Variants in PDGFD observed in about 807,000 individuals in gnomAD.
PDGFD encodes the protein platelet derived growth factor D.
PDGFD carries 30 observed loss-of-function variants against 44.7 expected under a neutral mutation model. The observed-to-expected ratio is 0.67, with a 90% CI of 0.50 to 0.91. PDGFD has a LOEUF of 0.91. PDGFD is among the 40% of genes least tolerant of loss of function. The pLI, the probability that PDGFD is intolerant of heterozygous loss-of-function variation, is 0.00. For synonymous variants in PDGFD, 173 were observed against 168.4 expected, an observed-to-expected ratio of 1.03 and a Z score of -0.21; for missense variants, 445 against 457.8, an observed-to-expected ratio of 0.97 and a Z score of 0.25.
chr11:104,039,026 G>A (rs75141026), intron 1 of PDGFD: 1 of 167,042 alleles, frequency 6.0e-6, no homozygotes, highest in Non-Finnish European at 1.5e-5. Flanking sequence ...GACAATGTTA[G>A]TGTTTATTAC....
At chr11:104,127,042 G>C (rs551911263) in intron 1 of PDGFD, among the ~76,000 whole-genome samples, 2 of 151,994 alleles carry the variant, frequency 1.3e-5, no homozygotes, top group African/African-American at 4.8e-5. Context: ...CACGAATCCC[G>C]TGCCCATACC....
Position 103,996,149 on chromosome 11 carries a change from T to G in PDGFD, c.426A>C (p.Ser142=). The G allele has an allele frequency of 1.2e-6, 2 of 1,613,822 alleles. No individual in the cohort carries two copies. The highest frequency in any genetic ancestry group is 1.3e-5 in the African/African-American group (1 of 75,042). The change falls in exon 3 of 7, where the codon TCA becomes TCC. Residue 142 remains serine (S), a synonymous_variant. Coordinates refer to ENST00000393158, the MANE Select transcript of PDGFD (RefSeq NM_025208.5). The stretch of plus-strand genomic sequence containing the variant: ...ATGTGATTTTAATTTGGTTCGTTCT[T>G]GATTTTATCCTTGGAGGAACTTCCT... ...GHKEVPPRIK[S]RTNQIKITFK... is the part of the protein sequence containing the mutation.
At chr11:104,092,193 A>C (rs1050263534) in intron 1 of PDGFD, among the ~76,000 whole-genome samples, 5 of 152,146 alleles carry the variant, frequency 3.3e-5, no homozygotes, top group African/African-American at 4.8e-5. Context: ...CTCCAAAGGC[A>C]AGGATTTTTC....
intron 1 of PDGFD, among the ~76,000 whole-genome samples, chr11:104,112,243 TA>T (rs113792453): frequency 0.11 from 16,596 of 152,084 alleles, 1,071 homozygotes; most frequent in East Asian, 0.32. Flanking sequence ...TGTGGGATGG[TA>T]TTTCATTGTG....
intron 1 of PDGFD, among the ~76,000 whole-genome samples, chr11:104,095,758 C>T (rs769440134): frequency 3.9e-5 from 6 of 152,242 alleles, no homozygotes; most frequent in South Asian, 4.1e-4. Context: ...ATGAAATCTC[C>T]GTTACTGTTA....
intron 6 of PDGFD, among the ~76,000 whole-genome samples, chr11:103,918,352 G>A (rs77794302): frequency 0.063 from 9,565 of 152,262 alleles, 357 homozygotes; most frequent in South Asian, 0.091. Flanking sequence ...TATCTGGCCT[G>A]TAAAAGAGAT....
intron 1 of PDGFD, among the ~76,000 whole-genome samples, chr11:104,054,713 G>C (rs545770865): frequency 6.6e-6 from 1 of 152,284 alleles, no homozygotes; most frequent in East Asian, 1.9e-4. Context: ...AGCTGAAGGG[G>C]AATAGAAGGG....
chr11:104,127,624 G>C (rs1861859293), intron 1 of PDGFD, among the ~76,000 whole-genome samples: 1 of 152,100 alleles, frequency 6.6e-6, no homozygotes, highest in Admixed American at 6.6e-5. Context: ...TCATTTGTTG[G>C]TTTTGCAAGC....
intron 3 of PDGFD, among the ~76,000 whole-genome samples, chr11:103,981,253 T>C (rs934148553): frequency 6.6e-6 from 1 of 151,620 alleles, no homozygotes; most frequent in Non-Finnish European, 1.5e-5. Flanking sequence ...CTCTATGCCA[T>C]CTTGGGACTC....
chr11:103,911,975 CT>C (rs935641440), intron 6 of PDGFD, among the ~76,000 whole-genome samples: 40 of 151,922 alleles, frequency 2.6e-4, no homozygotes, highest in Admixed American at 4.6e-4. Context: ...AATTATGGGA[CT>C]ATGTGAAAAG....
rs376887614 is a variant in PDGFD at position 104,071,869 on chromosome 11, G to T, written c.125-71614C>A. Among the ~76,000 whole-genome samples the T allele has an allele frequency of 4.0e-5, 6 of 151,770 alleles. No homozygotes were observed. The East Asian group carries it at 1.2e-3, about 29-fold the overall frequency. ...ATTCATCTTCACTCTAGTGATTTGA[G>T]ATGCCACCTTTATCATATATTCCAC... is the stretch of plus-strand genomic sequence containing the variant. On this transcript the variant is annotated intron_variant, in intron 1 of 6. Transcript: ENST00000393158.
At chr11:103,925,048 TGTG>T (rs1315928230) in intron 6 of PDGFD, among the ~76,000 whole-genome samples, 1 of 151,848 alleles carries the variant, frequency 6.6e-6, no homozygotes, top group Non-Finnish European at 1.5e-5. Context: ...AGTGAGAACA[TGTG>T]GTGGTTGGTT....
chr11:104,086,567 T>C (rs1861133314), intron 1 of PDGFD, among the ~76,000 whole-genome samples: 1 of 152,240 alleles, frequency 6.6e-6, no homozygotes, highest in South Asian at 2.1e-4. Flanking sequence ...AAATGTTTAA[T>C]GATTCCATTT....
chr11:104,145,875 C>A (rs1591185939), intron 1 of PDGFD, among the ~76,000 whole-genome samples: 1 of 152,174 alleles, frequency 6.6e-6, no homozygotes, highest in East Asian at 1.9e-4. Flanking sequence ...TGAAGATATA[C>A]CAGAGATCTC....
chr11:103,985,708 TGTGGTCAG>T (rs1200770091), intron 3 of PDGFD, among the ~76,000 whole-genome samples: 2 of 149,228 alleles, frequency 1.3e-5, no homozygotes, highest in African/African-American at 5.2e-5. Flanking sequence ...AATGTTAGGC[TGTGGTCAG>T]AACATGGAAG....
At chr11:104,088,921 T>TG (rs1392917125) in intron 1 of PDGFD, among the ~76,000 whole-genome samples, 6 of 28,758 alleles carry the variant, frequency 2.1e-4, no homozygotes, top group Admixed American at 1.1e-3. Context: ...CAAAGTGGGA[T>TG]GGGGGAAAAA....
At chr11:104,031,289 T>G (rs1404451889) in intron 1 of PDGFD, among the ~76,000 whole-genome samples, 1 of 151,866 alleles carries the variant, frequency 6.6e-6, no homozygotes, top group Admixed American at 6.6e-5. Context: ...TTAAACACCT[T>G]TACAAGAAAA....
At chr11:104,028,575 A>G (rs1211089051) in intron 1 of PDGFD, among the ~76,000 whole-genome samples, 1 of 150,460 alleles carries the variant, frequency 6.6e-6, no homozygotes. Context: ...TCATTTTTTT[A>G]TGTCAGTTGA....
intron 3 of PDGFD, among the ~76,000 whole-genome samples, chr11:103,959,793 C>G (rs536908543): frequency 2.6e-5 from 4 of 152,310 alleles, no homozygotes; most frequent in South Asian, 4.1e-4. Flanking sequence ...GGGGCAACTG[C>G]CTGACTCAGT....
Sources: allele counts gnomAD v4.1 joint callset (sites outside exome capture counted in the v4.1 genomes callset), GRCh38; gene constraint gnomAD v4.1.1; transcripts MANE v1.5; gene names NCBI Gene and HGNC (gene_info 2026-07-23, HGNC 2026-07-21).